Variants in AKR1B15 observed in about 807,000 individuals in gnomAD.
The protein encoded by AKR1B15 is estradiol 17-beta-dehydrogenase AKR1B15.
Under a neutral mutation model 38.5 loss-of-function variants are expected in AKR1B15, and 49 were observed. The ratio of observed to expected loss-of-function variants is 1.27; its 90% CI spans 1.01 to 1.62. The LOEUF is 1.62. Ranked by LOEUF, AKR1B15 falls within the 40% of genes most tolerant of loss-of-function variation. The pLI is 0.00. For synonymous variants in AKR1B15, 137 were observed against 135.5 expected (o/e 1.01, Z -0.08); for missense variants, 411 against 381.6 (o/e 1.08, Z -0.64).
chr7:134,574,840 C>A (rs1448778300), intron 6 of AKR1B15, among the ~76,000 whole-genome samples: 2 of 152,218 alleles, frequency 1.3e-5, no homozygotes, highest in African/African-American at 2.4e-5. Flanking sequence ...CCACACAACT[C>A]CGTGGCCGGG....
intron 5 of AKR1B15, among the ~76,000 whole-genome samples, chr7:134,571,128 A>G (rs1165128549): frequency 1.3e-5 from 2 of 152,156 alleles, no homozygotes; most frequent in Non-Finnish European, 2.9e-5. Context: ...GGTGGGGGAG[A>G]CAAATTTCCA....
intron 2 of AKR1B15, among the ~76,000 whole-genome samples, chr7:134,562,872 TTC>T (rs1562947057): frequency 6.9e-6 from 1 of 145,592 alleles, no homozygotes; most frequent in Non-Finnish European, 1.5e-5. Flanking sequence ...CTTTCTTTCT[TTC>T]TTTCTTTCTT....
intron 6 of AKR1B15, 39 bp downstream of exon 6, chr7:134,571,720 T>C: frequency 6.7e-7 from 1 of 1,493,660 alleles, no homozygotes; most frequent in Non-Finnish European, 9.3e-7. Flanking sequence ...GGGAGAGAAA[T>C]CCTCAGTTAT....
At chr7:134,560,887 C>T (rs1446166573) in intron 2 of AKR1B15, among the ~76,000 whole-genome samples, 3 of 152,332 alleles carry the variant, frequency 2.0e-5, no homozygotes, top group East Asian at 1.9e-4. Context: ...ACACCACTTT[C>T]GTGATTGATC....
At chr7:134,571,721 C>G (rs770533514) in intron 6 of AKR1B15, 40 bp downstream of exon 6, 21 of 1,492,258 alleles carry the variant, frequency 1.4e-5, no homozygotes, top group Non-Finnish European at 1.9e-5. Flanking sequence ...GGAGAGAAAT[C>G]CTCAGTTATC....
chr7:134,567,769 A>G (rs1243101530), intron 3 of AKR1B15, among the ~76,000 whole-genome samples: 1 of 152,228 alleles, frequency 6.6e-6, no homozygotes, highest in Non-Finnish European at 1.5e-5. Context: ...CTGCACCACC[A>G]CACACCTGAA....
intron 2 of AKR1B15, among the ~76,000 whole-genome samples, chr7:134,559,571 G>A (rs1407685478): frequency 6.6e-6 from 1 of 152,140 alleles, no homozygotes; most frequent in Non-Finnish European, 1.5e-5. Context: ...CCATTTCTTA[G>A]AGAAATGAAT....
At chr7:134,561,981 CTT>C in intron 2 of AKR1B15, among the ~76,000 whole-genome samples, 1 of 131,488 alleles carries the variant, frequency 7.6e-6, no homozygotes, top group East Asian at 3.9e-4. Context: ...TCCTTCTTTG[CTT>C]TGCTTTCTCT....
chr7:134,555,645 C>G (rs1180760071), intron 1 of AKR1B15, among the ~76,000 whole-genome samples: 4 of 152,026 alleles, frequency 2.6e-5, no homozygotes, highest in Non-Finnish European at 4.4e-5. Flanking sequence ...CCAAGGAAGT[C>G]TCTTTTGTAG....
chr7:134,549,852 T>G (rs1009350675), intron 1 of AKR1B15, among the ~76,000 whole-genome samples: 4 of 152,198 alleles, frequency 2.6e-5, no homozygotes, highest in Non-Finnish European at 4.4e-5. Context: ...CCAAAATGAC[T>G]GGGCAAGGAC....
chr7:134,564,759 C>T lies in AKR1B15; in HGVS notation c.140C>T (p.Pro47Leu). 1.5e-6 allele frequency: 1 copy of T among 682,230 alleles called. No homozygotes were observed. The highest frequency in any genetic ancestry group is 2.7e-6 in the Non-Finnish European group (1 of 376,338). The allele number at this position is 682,230 out of a possible 1,614,324, so 42.3% of individuals were successfully genotyped here. ...DTTSAGPLLR[P>L]YPASLLGKVK... is the part of the protein sequence containing the mutation. ...ACAAGTGCAGGGCCCCTTCTTCGCC[C>T]CTATCCAGCAGTAAGTGGCTAGAGA... The change falls in exon 3 of 12, where the codon CCC (proline) becomes CTC (leucine). Residue 47 changes from proline (P) to leucine (L), a missense_variant. This residue lies in a region of AKR1B15 where 254 missense variants were observed against 212.4 expected (regional missense o/e 1.20). Coordinates refer to ENST00000457545, the MANE Select transcript of AKR1B15 (RefSeq NM_001080538.3).
intron 1 of AKR1B15, among the ~76,000 whole-genome samples, chr7:134,551,486 T>C (rs1282153952): frequency 6.6e-6 from 1 of 152,164 alleles, no homozygotes; most frequent in Non-Finnish European, 1.5e-5. Context: ...CTTTCATCCC[T>C]TTTCACCTCT....
intron 3 of AKR1B15, among the ~76,000 whole-genome samples, chr7:134,567,553 T>A (rs60924370): frequency 0.071 from 10,829 of 152,252 alleles, 646 homozygotes; most frequent in East Asian, 0.3. Context: ...TGGTGCTATT[T>A]TTTTTTCCAT....
At chr7:134,575,273 G>A in intron 6 of AKR1B15, 147 bp from the exon 7 acceptor site, 2 of 1,337,702 alleles carry the variant, frequency 1.5e-6, no homozygotes, top group Non-Finnish European at 2.0e-6. Context: ...GGGCACCCAG[G>A]CCCTGGACTG....
Position 134,579,609 on chromosome 7 carries a change from T to C in AKR1B15, c.*60T>C, listed in dbSNP as rs1184433603. 1 of 1,445,730 alleles carries C rather than the reference T, an allele frequency of 6.9e-7. No homozygotes were observed. The highest frequency in any genetic ancestry group is 9.4e-7 in the Non-Finnish European group (1 of 1,065,330). The allele number at this position is 1,445,730 out of a possible 1,614,324, so 89.6% of individuals were successfully genotyped here. A position where few individuals can be genotyped will look rare whatever the true frequency, so the allele number is the denominator to read the frequency against. ...CTCTTTCTTCGCTGAAGTGTGACTG[T>C]CTCCACTCAAGAACTATTTTAGCCA... On this transcript the variant is annotated 3_prime_UTR_variant, in exon 12 of 12. Transcript: ENST00000457545.
In AKR1B15 at chr7:134,571,780, A is replaced by G. The variant is rs936434074; in HGVS notation, c.513+99A>G. 4.1e-5 allele frequency: 38 copies of G among 937,578 alleles called. No homozygotes were observed. In the African/African-American group the frequency reaches 5.6e-4, roughly 14 times the overall value. The allele number at this position is 937,578 out of a possible 1,614,324, so 58.1% of individuals were successfully genotyped here. ...AGAGGCCATGTGCCTGATGCTTTCTAATTTCATCATTGTGATTCTCTAGCT... is the reference window on the plus strand; with the variant it reads ...AGAGGCCATGTGCCTGATGCTTTCTGATTTCATCATTGTGATTCTCTAGCT... On this transcript the variant is annotated intron_variant, in intron 6 of 11. Transcript: ENST00000457545.
chr7:134,568,202 T>C lies in AKR1B15; in HGVS notation c.195T>C (p.Asp65=), dbSNP rs1414026955. The change falls in exon 4 of 12, where the codon GAT becomes GAC. Residue 65 remains aspartate, a synonymous_variant. Transcript: ENST00000457545. The part of the protein sequence containing the change: ...KVKEAVKVAI[D]AEYRHIDCAY... Reference sequence around the variant, plus strand: ...AAGAAGCGGTGAAGGTGGCCATTGATGCAGAATATCGCCACATTGACTGTG... The same window carrying C: ...AAGAAGCGGTGAAGGTGGCCATTGACGCAGAATATCGCCACATTGACTGTG... 6.2e-7 allele frequency: 1 copy of C among 1,614,146 alleles called. No individual in the cohort carries two copies. The highest frequency in any genetic ancestry group is 1.7e-5 in the Admixed American group (1 of 60,034).
At chr7:134,568,650 C>T (rs747434196) in intron 4 of AKR1B15, among the ~76,000 whole-genome samples, 3 of 152,148 alleles carry the variant, frequency 2.0e-5, no homozygotes, top group East Asian at 1.9e-4. Context: ...TGATATGAAG[C>T]CTCCCTCTCA....
At chr7:134,571,819 C>G (rs901107856) in intron 6 of AKR1B15, 138 bp downstream of exon 6, 1 of 728,938 alleles carries the variant, frequency 1.4e-6, no homozygotes, top group East Asian at 2.5e-5. Context: ...CTAATATCCT[C>G]CTCATCACCT....
Sources: allele counts gnomAD v4.1 joint callset (sites outside exome capture counted in the v4.1 genomes callset), GRCh38; gene constraint gnomAD v4.1.1; regional missense constraint gnomAD v4.1.1; transcripts MANE v1.5; gene names NCBI Gene and HGNC (gene_info 2026-07-23, HGNC 2026-07-21).